HNRNPC: variants seen among roughly 807,000 people sequenced by gnomAD.
HNRNPC encodes the protein heterogeneous nuclear ribonucleoproteins C1/C2.
HNRNPC carries 3 observed loss-of-function variants against 33.2 expected under a neutral mutation model. The ratio of observed to expected loss-of-function variants is 0.09; its 90% CI spans 0.04 to 0.23. The LOEUF (loss-of-function observed/expected upper bound fraction) is 0.23. Ranked by LOEUF, HNRNPC falls within the 10% of genes least tolerant of loss-of-function variation. HNRNPC has a pLI of 1.00. For synonymous variants in HNRNPC, 121 were observed against 126.7 expected (o/e 0.96, Z 0.30); for missense variants, 143 against 366.7 (o/e 0.39, Z 4.98).
chr14:21,260,073 G>A (rs1211200327), intron 2 of HNRNPC, among the ~76,000 whole-genome samples: 13 of 145,558 alleles, frequency 8.9e-5, no homozygotes, highest in Admixed American at 2.1e-4. Context: ...AGTGGCGGGC[G>A]CCTGTAGTCC....
chr14:21,227,959 A>C (rs539571057), intron 5 of HNRNPC, among the ~76,000 whole-genome samples: 1 of 152,234 alleles, frequency 6.6e-6, no homozygotes, highest in Non-Finnish European at 1.5e-5. Flanking sequence ...CCACGTCCTT[A>C]ATCTTTTATT....
intron 2 of HNRNPC, among the ~76,000 whole-genome samples, chr14:21,251,456 A>AT (rs970835792): frequency 4.6e-5 from 7 of 151,988 alleles, no homozygotes; most frequent in Non-Finnish European, 1.0e-4. Flanking sequence ...AGGCGGGCAG[A>AT]TAACTTGAGG....
chr14:21,227,317 C>T (rs1416841882), intron 5 of HNRNPC, among the ~76,000 whole-genome samples: 2 of 152,168 alleles, frequency 1.3e-5, no homozygotes, highest in African/African-American at 4.8e-5. Context: ...TGGACACCTC[C>T]TAAAATTCAT....
intron 5 of HNRNPC, among the ~76,000 whole-genome samples, chr14:21,216,825 T>C (rs1228374929): frequency 1.3e-5 from 2 of 152,110 alleles, no homozygotes; most frequent in Non-Finnish European, 2.9e-5. Context: ...ACTATGTAGA[T>C]AAAAAAACTG....
chr14:21,215,274 G>A (rs1892033762), intron 5 of HNRNPC, among the ~76,000 whole-genome samples: 1 of 152,180 alleles, frequency 6.6e-6, no homozygotes, highest in Admixed American at 6.5e-5. Flanking sequence ...AGGACGGTAA[G>A]TGTGAAAATA....
intron 2 of HNRNPC, among the ~76,000 whole-genome samples, chr14:21,252,218 A>C (rs1321043612): frequency 6.6e-6 from 1 of 152,108 alleles, no homozygotes; most frequent in Non-Finnish European, 1.5e-5. Context: ...GACCCCACCA[A>C]CCATGTTATC....
intron 2 of HNRNPC, among the ~76,000 whole-genome samples, chr14:21,256,792 A>G (rs1467029272): frequency 6.6e-6 from 1 of 151,998 alleles, no homozygotes; most frequent in Non-Finnish European, 1.5e-5. Flanking sequence ...AGCTGGGACT[A>G]CAGACACTTG....
At chr14:21,244,137 C>T (rs1188990135) in intron 2 of HNRNPC, among the ~76,000 whole-genome samples, 2 of 152,002 alleles carry the variant, frequency 1.3e-5, no homozygotes, top group Middle Eastern at 3.4e-3. Context: ...GCTGGGACTA[C>T]AGGCGCCCGC....
chr14:21,251,758 G>A (rs775146192), intron 2 of HNRNPC, among the ~76,000 whole-genome samples: 32 of 152,112 alleles, frequency 2.1e-4, no homozygotes, highest in Non-Finnish European at 7.4e-5. Flanking sequence ...TAGCATCTGG[G>A]AGAGCACAGT....
chr14:21,221,493 T>A (rs1181936197), intron 5 of HNRNPC, among the ~76,000 whole-genome samples: 9 of 152,144 alleles, frequency 5.9e-5, no homozygotes, highest in Admixed American at 5.9e-4. Flanking sequence ...ATTACCAGAG[T>A]CCAGTAATCT....
chr14:21,230,810 A>G (rs1472851043), intron 4 of HNRNPC, 187 bp downstream of exon 4: 1 of 607,532 alleles, frequency 1.6e-6, no homozygotes, highest in Non-Finnish European at 2.7e-6. Context: ...TCTAGGGCAA[A>G]AAAGAGACAT....
At chr14:21,240,390 TAAAATTTTG>T in intron 2 of HNRNPC, among the ~76,000 whole-genome samples, 1 of 152,250 alleles carries the variant, frequency 6.6e-6, no homozygotes, top group Non-Finnish European at 1.5e-5. Context: ...TCAATCTAGC[TAAAATTTTG>T]AAAATATATT....
intron 5 of HNRNPC, among the ~76,000 whole-genome samples, chr14:21,221,616 TAAGA>T (rs1265598456): frequency 1.3e-5 from 2 of 152,230 alleles, no homozygotes; most frequent in African/African-American, 4.8e-5. Flanking sequence ...GGTGGAATTA[TAAGA>T]AACAGTTAAA....
intron 3 of HNRNPC, 114 bp from the exon 4 acceptor site, chr14:21,231,186 G>A: frequency 2.0e-6 from 2 of 991,866 alleles, no homozygotes; most frequent in Non-Finnish European, 3.0e-6. Flanking sequence ...TCAGGCTGGA[G>A]TGCAGTGGTG....
At chr14:21,246,621 T>C (rs1896009837) in intron 2 of HNRNPC, among the ~76,000 whole-genome samples, 1 of 152,090 alleles carries the variant, frequency 6.6e-6, no homozygotes, top group Non-Finnish European at 1.5e-5. Flanking sequence ...AATTTCCCTT[T>C]AACACAGTAC....
chr14:21,216,511 G>C (rs984218915), intron 5 of HNRNPC, among the ~76,000 whole-genome samples: 5 of 152,044 alleles, frequency 3.3e-5, no homozygotes, highest in South Asian at 2.1e-4. Flanking sequence ...ACATGGAGAC[G>C]GGCCTGACCA....
chr14:21,224,133 ATCTG>A (rs1471343662), intron 5 of HNRNPC, among the ~76,000 whole-genome samples: 2 of 152,174 alleles, frequency 1.3e-5, no homozygotes, highest in African/African-American at 2.4e-5. Context: ...ACTCAAAAAC[ATCTG>A]AAAAATAGAA....
At chr14:21,253,480 AAAAAAG>A (rs1896888313) in intron 2 of HNRNPC, among the ~76,000 whole-genome samples, 1 of 149,726 alleles carries the variant, frequency 6.7e-6, no homozygotes, top group Admixed American at 6.6e-5. Context: ...AAAAAAAAAA[AAAAAAG>A]ATAGCACCAA....
At chr14:21,235,660 T>C (rs759265739) in intron 2 of HNRNPC, among the ~76,000 whole-genome samples, 17 of 152,156 alleles carry the variant, frequency 1.1e-4, no homozygotes, top group Non-Finnish European at 2.2e-4. Context: ...AGCTATTAAG[T>C]ATGCCAGAAA....
Sources: gnomAD v4.1 joint callset for allele counts (sites outside exome capture counted in the v4.1 genomes callset) on GRCh38, gnomAD v4.1.1 for gene constraint, MANE v1.5 for transcripts, NCBI Gene and HGNC (gene_info 2026-07-23, HGNC 2026-07-21) for gene names.